Variants in SEC61A1 observed in about 807,000 individuals in gnomAD.
SEC61A1 encodes protein transport protein Sec61 subunit alpha isoform 1.
Under a neutral mutation model 55.2 loss-of-function variants are expected in SEC61A1, and 15 were observed. The ratio of observed to expected loss-of-function variants is 0.27; its 90% CI spans 0.18 to 0.42. The LOEUF is 0.42. Among genes scored for constraint, SEC61A1 ranks in the 10% least tolerant of loss-of-function variants. The probability of loss-of-function intolerance (pLI) is 1.00; values close to 1 mark genes in which losing one functional copy is unlikely to be tolerated. For missense variants in SEC61A1, 284 were observed against 602.6 expected, an observed-to-expected ratio of 0.47 and a Z score of 5.53; for synonymous variants, 247 against 234.0, an observed-to-expected ratio of 1.06 and a Z score of -0.51.
intron 11 of SEC61A1, among the ~76,000 whole-genome samples, chr3:128,069,232 A>G (rs1050629511): frequency 1.3e-5 from 2 of 152,210 alleles, no homozygotes; most frequent in African/African-American, 4.8e-5. Flanking sequence ...CAAATCTCCA[A>G]AATCTTATGT....
intron 7 of SEC61A1, among the ~76,000 whole-genome samples, chr3:128,061,209 G>A (rs939419677): frequency 6.6e-6 from 1 of 152,154 alleles, no homozygotes; most frequent in Non-Finnish European, 1.5e-5. Context: ...GCAGATTCCT[G>A]CACCACTGAA....
At chr3:128,052,259 T>G, upstream of SEC61A1, 5 of 278,202 alleles carry the variant, frequency 1.8e-5, no homozygotes, top group Non-Finnish European at 2.5e-5. Context: ...GCCAGGCCCC[T>G]TCCCGACAGG....
intron 7 of SEC61A1, among the ~76,000 whole-genome samples, chr3:128,063,953 C>A (rs1009396551): frequency 2.6e-5 from 4 of 152,212 alleles, no homozygotes; most frequent in Non-Finnish European, 5.9e-5. Context: ...GGGTCCCTTT[C>A]CTATATCCCT....
At position 128,068,091 on chromosome 3, in the gene SEC61A1, G is replaced by A. The variant is rs1322090536; in HGVS notation, c.1244+32G>A. 1.5e-5 allele frequency: 24 copies of A among 1,567,272 alleles called. No homozygotes were observed. In the South Asian group the frequency reaches 1.7e-4, roughly 11 times the overall value. On this transcript the variant is annotated intron_variant, in intron 11 of 11. Transcript: ENST00000243253. ...GGTGGCCCCAGGTCCCCAACCTCCC[G>A]TCTGTGGACATGTGTTGTTTCTTTC...
chr3:128,060,352 T>G, intron 6 of SEC61A1, 141 bp downstream of exon 6: 1 of 1,048,488 alleles, frequency 9.5e-7, no homozygotes, highest in African/African-American at 1.6e-5. Flanking sequence ...GCCCTCTGAA[T>G]TCAGCAGAGA....
In SEC61A1 at chr3:128,067,022, G is replaced by C; in HGVS notation, c.846G>C (p.Lys282Asn). The C allele has an allele frequency of 6.2e-7, 1 of 1,614,208 alleles. No individual in the cohort carries two copies. Among genetic ancestry groups the C allele is most frequent in the Non-Finnish European group, 8.5e-7 (1 of 1,180,038 alleles). ...YRGQYNTYPI[K>N]LFYTSNIPII... is the part of the protein sequence containing the mutation. ...GCCAGTACAACACCTATCCCATCAA[G>C]CTCTTCTATACGTCCAACATCCCCA... Residue 282 changes from lysine (K) to asparagine (N), a missense_variant, in exon 9 of 12, where the codon AAG becomes AAC. Lys to Asn is a moderately conservative substitution (Grantham distance 94). Transcript: ENST00000243253. This position sits in a 1 kb window ranked among gnomAD's most constrained non-coding sequence, Gnocchi z 4.1.
intron 7 of SEC61A1, 31 bp from the exon 8 acceptor site, chr3:128,064,846 C>G: frequency 6.5e-7 from 1 of 1,542,840 alleles, no homozygotes; most frequent in Non-Finnish European, 8.7e-7. Flanking sequence ...CCTGTTCGTT[C>G]CTTCATATAT....
chr3:128,058,197 G>A (rs9837457), intron 5 of SEC61A1, among the ~76,000 whole-genome samples: 33,052 of 135,798 alleles, frequency 0.24, 3,913 homozygotes, highest in South Asian at 0.29. Flanking sequence ...TGAGAAATAC[G>A]TCTATTTTTT....
chr3:128,063,419 C>A (rs895969577), intron 7 of SEC61A1, among the ~76,000 whole-genome samples: 57 of 152,218 alleles, frequency 3.7e-4, no homozygotes, highest in Non-Finnish European at 5.9e-4. Context: ...CTCACTGCAA[C>A]CTCCGCCTCC....
intron 7 of SEC61A1, among the ~76,000 whole-genome samples, chr3:128,061,220 TC>T (rs1941846539): frequency 6.6e-6 from 1 of 152,326 alleles, no homozygotes; most frequent in East Asian, 1.9e-4. Context: ...CACCACTGAA[TC>T]TTGGTTACCA....
chr3:128,057,585 G>A (rs1368310896), intron 5 of SEC61A1, among the ~76,000 whole-genome samples: 6 of 77,952 alleles, frequency 7.7e-5, no homozygotes, highest in Admixed American at 1.6e-4. Context: ...ACTGGGGGGC[G>A]GTGGCTCACG....
chr3:128,062,101 G>A (rs1271159016), intron 7 of SEC61A1, among the ~76,000 whole-genome samples: 1 of 152,214 alleles, frequency 6.6e-6, no homozygotes, highest in Non-Finnish European at 1.5e-5. Flanking sequence ...GACCAGAGAG[G>A]CACTTTCAAG....
At chr3:128,060,388 G>T in intron 6 of SEC61A1, 120 bp from the exon 7 acceptor site, 1 of 1,198,046 alleles carries the variant, frequency 8.3e-7, no homozygotes, top group South Asian at 1.4e-5. Context: ...GCTCTCTGGG[G>T]CTGAGGATGT....
chr3:128,057,013 T>G (rs1187993609), intron 5 of SEC61A1, among the ~76,000 whole-genome samples, 173 bp downstream of exon 5: 3 of 152,116 alleles, frequency 2.0e-5, no homozygotes, highest in Non-Finnish European at 2.9e-5. Flanking sequence ...CTTGGCTCAC[T>G]GCAACCTCCA....
At chr3:128,061,179 TCA>T (rs1323740067) in intron 7 of SEC61A1, among the ~76,000 whole-genome samples, 3 of 152,240 alleles carry the variant, frequency 2.0e-5, no homozygotes, top group African/African-American at 7.2e-5. Flanking sequence ...TTCCTGTTAG[TCA>T]TACATACGTG....
intron 5 of SEC61A1, among the ~76,000 whole-genome samples, chr3:128,059,264 G>A (rs1207933929): frequency 6.6e-6 from 1 of 152,140 alleles, no homozygotes; most frequent in Non-Finnish European, 1.5e-5. Flanking sequence ...ACGAGGTCAG[G>A]AGTTGGAGAC....
chr3:128,063,873 T>A (rs1160317573), intron 7 of SEC61A1, among the ~76,000 whole-genome samples: 1 of 152,228 alleles, frequency 6.6e-6, no homozygotes, highest in Non-Finnish European at 1.5e-5. Flanking sequence ...GTCTAAAACT[T>A]AGGCCTTAAT....
chr3:128,057,897 T>C (rs1941796680), intron 5 of SEC61A1, among the ~76,000 whole-genome samples: 2 of 152,124 alleles, frequency 1.3e-5, no homozygotes, highest in Non-Finnish European at 1.5e-5. Flanking sequence ...AAGGTGATCC[T>C]GTCAGTCCAG....
chr3:128,057,858 CA>C lies in SEC61A1; in HGVS notation c.352+1030del, dbSNP rs571637541. 2.8e-3 allele frequency among the ~76,000 whole-genome samples: 386 copies of C among 139,878 alleles called. 2 individuals are homozygous for C. The highest frequency in any genetic ancestry group is 0.015 in the South Asian group (67 of 4,422). 91.8% of individuals were successfully genotyped at this position (139,878 alleles called of 152,430 possible). ...ATGGGGGACAGAGCAAGACTTCTCT[CA>C]AAAAAAAAAAAGAATTTAACTGAAG... On this transcript the variant is annotated intron_variant, in intron 5 of 11. Transcript: ENST00000243253.
Sources: allele counts gnomAD v4.1 joint callset (sites outside exome capture counted in the v4.1 genomes callset), GRCh38; gene constraint gnomAD v4.1.1; non-coding constraint Gnocchi (gnomAD v3.1); transcripts MANE v1.5; gene names NCBI Gene and HGNC (gene_info 2026-07-23, HGNC 2026-07-21).